The following ARHGAP28 variants were observed in gnomAD, a reference collection of about 807,000 sequenced individuals.
ARHGAP28 encodes the protein Rho GTPase activating protein 28.
ARHGAP28 carries 56 observed loss-of-function variants against 90.7 expected under a neutral mutation model. That is an observed-to-expected ratio of 0.62 (90% CI 0.50 to 0.77). The LOEUF (loss-of-function observed/expected upper bound fraction) is 0.77, where lower values mean the gene tolerates loss of function less well. Among genes scored for constraint, ARHGAP28 ranks in the 30% least tolerant of loss-of-function variants. ARHGAP28 has a pLI of 0.00. For synonymous variants in ARHGAP28, 308 were observed against 323.3 expected, an observed-to-expected ratio of 0.95 and a Z score of 0.51; for missense variants, 869 against 900.9, an observed-to-expected ratio of 0.96 and a Z score of 0.45.
At chr18:6,750,175 A>C (rs1381122648) in intron 1 of ARHGAP28, among the ~76,000 whole-genome samples, 2 of 152,150 alleles carry the variant, frequency 1.3e-5, no homozygotes, top group East Asian at 3.9e-4. Flanking sequence ...AATGCTTTAC[A>C]TGTATTAAAG....
chr18:6,907,868 G>A (rs73386389), intron 16 of ARHGAP28, among the ~76,000 whole-genome samples: 2,718 of 152,190 alleles, frequency 0.018, 70 homozygotes, highest in African/African-American at 0.062. Flanking sequence ...TGAATCTACA[G>A]CACCTCAAAT....
intron 1 of ARHGAP28, among the ~76,000 whole-genome samples, chr18:6,776,375 G>A (rs1172379699): frequency 6.6e-6 from 1 of 152,198 alleles, no homozygotes; most frequent in East Asian, 1.9e-4. Flanking sequence ...TTTTCCAAAA[G>A]TAGAGAATGA....
intron 5 of ARHGAP28, among the ~76,000 whole-genome samples, chr18:6,864,507 G>A (rs2057023037): frequency 6.6e-6 from 1 of 152,054 alleles, no homozygotes; most frequent in Admixed American, 6.6e-5. Flanking sequence ...TTTATTGTGT[G>A]TGTACACATA....
In ARHGAP28 at chr18:6,803,189, G is replaced by A. The variant is rs76894568; in HGVS notation, c.123-21573G>A. ...TGTGACTTTAGGAAGAAAACATTTA[G>A]TCTTTCATATTAAATATGATATTAC... is the stretch of plus-strand genomic sequence containing the variant. On this transcript the variant is annotated intron_variant, in intron 1 of 17. Coordinates refer to ENST00000383472, the MANE Select transcript of ARHGAP28 (RefSeq NM_001366230.1). 5.9e-3 allele frequency among the ~76,000 whole-genome samples: 903 copies of A among 152,232 alleles called. 11 individuals are homozygous for A. The highest frequency in any genetic ancestry group is 0.021 in the African/African-American group (866 of 41,556).
intron 14 of ARHGAP28, among the ~76,000 whole-genome samples, chr18:6,891,113 G>A (rs1268671748): frequency 2.0e-5 from 3 of 152,162 alleles, no homozygotes; most frequent in Non-Finnish European, 4.4e-5. Context: ...ATTCAACCTT[G>A]AGGAGGATGT....
intron 1 of ARHGAP28, among the ~76,000 whole-genome samples, chr18:6,746,525 T>C (rs1177184892): frequency 6.6e-6 from 1 of 152,236 alleles, no homozygotes; most frequent in African/African-American, 2.4e-5. Context: ...ATGAGGCTTG[T>C]GTAGCAAGCC....
intron 16 of ARHGAP28, among the ~76,000 whole-genome samples, chr18:6,899,097 T>C (rs368672532): frequency 6.6e-6 from 1 of 152,162 alleles, no homozygotes; most frequent in Non-Finnish European, 1.5e-5. Flanking sequence ...CTTTACTTGT[T>C]AGAACTATGG....
intron 1 of ARHGAP28, among the ~76,000 whole-genome samples, chr18:6,732,756 C>A (rs117418681): frequency 2.6e-5 from 4 of 152,134 alleles, no homozygotes; most frequent in Non-Finnish European, 5.9e-5. Context: ...ATTGGCAGAC[C>A]TTGACTCTAC....
intron 2 of ARHGAP28, 32 bp from the exon 3 acceptor site, chr18:6,837,165 T>A: frequency 6.7e-7 from 1 of 1,490,936 alleles, no homozygotes; most frequent in Non-Finnish European, 9.1e-7. Context: ...CAGAAAATAT[T>A]CTAACCCTCT....
intron 1 of ARHGAP28, among the ~76,000 whole-genome samples, chr18:6,773,530 A>G (rs1320080789): frequency 6.6e-6 from 1 of 152,206 alleles, no homozygotes; most frequent in Non-Finnish European, 1.5e-5. Context: ...GGAAAATCTG[A>G]GGCCCAAAGA....
At chr18:6,848,910 C>A (rs957302696) in intron 3 of ARHGAP28, among the ~76,000 whole-genome samples, 4 of 152,088 alleles carry the variant, frequency 2.6e-5, no homozygotes, top group African/African-American at 9.7e-5. Flanking sequence ...ACTTGGCTTT[C>A]ACTATGCCTT....
intron 2 of ARHGAP28, among the ~76,000 whole-genome samples, chr18:6,833,198 C>T (rs190246515): frequency 6.6e-6 from 1 of 152,160 alleles, no homozygotes; most frequent in East Asian, 1.9e-4. Flanking sequence ...GATGCTCTAT[C>T]ACTCCCAAGT....
chr18:6,754,030 T>C (rs2143278222), intron 1 of ARHGAP28, among the ~76,000 whole-genome samples: 1 of 152,364 alleles, frequency 6.6e-6, no homozygotes, highest in Non-Finnish European at 1.5e-5. Flanking sequence ...TCATTTGTTC[T>C]TAAAGTCTAC....
chr18:6,765,845 A>G (rs1237656269), intron 1 of ARHGAP28, among the ~76,000 whole-genome samples: 1 of 152,066 alleles, frequency 6.6e-6, no homozygotes, highest in Non-Finnish European at 1.5e-5. Flanking sequence ...ATATTTTCTA[A>G]TTTCTCTTGG....
intron 5 of ARHGAP28, among the ~76,000 whole-genome samples, chr18:6,864,207 A>G (rs1285372292): frequency 2.6e-5 from 4 of 152,082 alleles, no homozygotes; most frequent in Non-Finnish European, 5.9e-5. Context: ...CTGGGACTAC[A>G]AGCGCACACC....
chr18:6,772,501 A>G (rs925373688), intron 1 of ARHGAP28, among the ~76,000 whole-genome samples: 6 of 152,240 alleles, frequency 3.9e-5, no homozygotes, highest in African/African-American at 1.2e-4. Context: ...CCATTCAACC[A>G]TTCTGTTTTT....
At chr18:6,823,810 T>A (rs569853563) in intron 1 of ARHGAP28, among the ~76,000 whole-genome samples, 37 of 152,268 alleles carry the variant, frequency 2.4e-4, no homozygotes, top group African/African-American at 6.7e-4. Context: ...GCAAGTGGCA[T>A]GATCTCAGCT....
intron 1 of ARHGAP28, among the ~76,000 whole-genome samples, chr18:6,816,303 T>C (rs1600211486): frequency 1.3e-5 from 2 of 152,192 alleles, no homozygotes; most frequent in South Asian, 4.1e-4. Context: ...ATAAACATGT[T>C]AGAATCCAAA....
chr18:6,888,072 T>G (rs2143700768), intron 12 of ARHGAP28, among the ~76,000 whole-genome samples: 1 of 152,336 alleles, frequency 6.6e-6, no homozygotes, highest in South Asian at 2.1e-4. Flanking sequence ...TTTCAGAATT[T>G]TAGAGATCAT....
Sources: gnomAD v4.1 joint callset for allele counts (sites outside exome capture counted in the v4.1 genomes callset) on GRCh38, gnomAD v4.1.1 for gene constraint, MANE v1.5 for transcripts, NCBI Gene and HGNC (gene_info 2026-07-23, HGNC 2026-07-21) for gene names.